ANKRD54: variants seen among roughly 807,000 people sequenced by gnomAD.
ANKRD54 encodes ankyrin repeat domain-containing protein 54.
A neutral mutation model predicts 36.2 loss-of-function variants in ANKRD54; 26 were observed. The ratio of observed to expected loss-of-function variants is 0.72; its 90% CI spans 0.53 to 1.00. The LOEUF is 1.00. Ranked by LOEUF, ANKRD54 falls within the 50% of genes least tolerant of loss-of-function variation. ANKRD54 has a pLI of 0.00. For missense variants in ANKRD54, 384 were observed against 424.3 expected (o/e 0.91, Z 0.83); for synonymous variants, 209 against 188.4 (o/e 1.11, Z -0.89).
At chr22:37,836,382 G>A (rs1261588773) in intron 3 of ANKRD54, among the ~76,000 whole-genome samples, 2 of 141,986 alleles carry the variant, frequency 1.4e-5, no homozygotes, top group South Asian at 2.3e-4. Flanking sequence ...GGAGGCAGAG[G>A]TTGTGGTTAG....
chr22:37,840,205 C>T lies in ANKRD54; in HGVS notation c.358G>A (p.Ala120Thr), dbSNP rs1924049164. The change falls in exon 2 of 8, where the codon GCC becomes ACC. Residue 120 changes from alanine to threonine, a missense_variant. Physicochemically the swap from Ala to Thr is moderately conservative, Grantham distance 58 (BLOSUM62 0). Coordinates refer to ENST00000215941, the MANE Select transcript of ANKRD54 (RefSeq NM_138797.4). ...ALKRLRDSANANDVETVQQLL... is the reference protein window; with the variant it reads ...ALKRLRDSANTNDVETVQQLL... ...CACTCACCTGTTTCCACATCATTGG[C>T]ATTGGCCGAGTCCCTCAGTCTCTTC... 1 of 1,614,040 alleles carries T rather than the reference C, an allele frequency of 6.2e-7. No homozygotes were observed. The highest frequency in any genetic ancestry group is 8.5e-7 in the Non-Finnish European group (1 of 1,179,932).
chr22:37,836,472 A>G (rs11912620), intron 3 of ANKRD54, among the ~76,000 whole-genome samples: 1 of 147,250 alleles, frequency 6.8e-6, no homozygotes, highest in Non-Finnish European at 1.5e-5. Flanking sequence ...AAAAAAAAAA[A>G]GGACAAAAGA....
At chr22:37,846,311 G>T (rs1054223951), upstream of ANKRD54, among the ~76,000 whole-genome samples, 7 of 151,944 alleles carry the variant, frequency 4.6e-5, no homozygotes, top group African/African-American at 1.7e-4. Context: ...TACTCTCCTC[G>T]TCTGCCCCAT....
intron 1 of ANKRD54, among the ~76,000 whole-genome samples, chr22:37,841,640 G>C (rs955021999): frequency 1.4e-4 from 21 of 151,924 alleles, no homozygotes; most frequent in Non-Finnish European, 2.1e-4. Context: ...ACGAGGTCAG[G>C]AGTTTGAGAC....
intron 4 of ANKRD54, 55 bp downstream of exon 4, chr22:37,833,629 A>AC: frequency 6.3e-7 from 1 of 1,595,488 alleles, no homozygotes; most frequent in Non-Finnish European, 8.6e-7. Flanking sequence ...CTCTTCATCT[A>AC]AAGAGCCTTT....
In ANKRD54 at chr22:37,844,155, C is replaced by T. The variant is rs896855529; in HGVS notation, c.84G>A (p.Glu28=). Residue 28 remains glutamate (E), a synonymous_variant, in exon 1 of 8, where the codon GAG becomes GAA. Transcript: ENST00000215941. ...AGAGGCCCTCAGCGTCAGTCAGCGG[C>T]TCCGGCGCCACCGCGCACTCGCCCT... The part of the protein sequence containing the change: ...SSEGECAVAP[E]PLTDAEGLFS... 7 of 1,498,478 alleles carry T rather than the reference C, an allele frequency of 4.7e-6. No individual in the cohort carries two copies. In the Admixed American group the frequency reaches 8.8e-5, roughly 19 times the overall value. 92.8% of individuals were successfully genotyped at this position (1,498,478 alleles called of 1,614,324 possible).
rs1345636353 is a variant in ANKRD54, at chr22:37,844,123, AAGG to A, written c.113_115del (p.Ser38del). ...GCCCAGCGCAGACCCGAAGTCAGCG[AAGG>A]AGAAGAGGCCCTCAGCGTCAGTCAG... is the stretch of plus-strand genomic sequence containing the variant. On this transcript the variant is annotated inframe_deletion, in exon 1 of 8. Coordinates refer to ENST00000215941, the MANE Select transcript of ANKRD54 (RefSeq NM_138797.4). The A allele has an allele frequency of 2.7e-6, 4 of 1,491,552 alleles. No homozygotes were observed. The highest frequency in any genetic ancestry group is 1.3e-5 in the South Asian group (1 of 79,480). 92.4% of individuals were successfully genotyped at this position (1,491,552 alleles called of 1,614,324 possible).
At chr22:37,839,664 G>C (rs774520914) in intron 2 of ANKRD54, among the ~76,000 whole-genome samples, 1 of 152,218 alleles carries the variant, frequency 6.6e-6, no homozygotes, top group Non-Finnish European at 1.5e-5. Context: ...TGGGATTACA[G>C]GCGTGAGCCA....
upstream of ANKRD54, among the ~76,000 whole-genome samples, chr22:37,845,894 G>C (rs1233199411): frequency 6.7e-6 from 1 of 149,176 alleles, no homozygotes; most frequent in African/African-American, 2.5e-5. Context: ...CAAAAAAAAG[G>C]CCTGGCGCTG....
chr22:37,841,553 C>CA (rs1183252458), intron 1 of ANKRD54, among the ~76,000 whole-genome samples: 11 of 139,710 alleles, frequency 7.9e-5, no homozygotes, highest in East Asian at 2.2e-4. Context: ...CACACACACA[C>CA]ACACAAAAAA....
chr22:37,836,365 TA>T, intron 3 of ANKRD54, among the ~76,000 whole-genome samples: 1 of 140,952 alleles, frequency 7.1e-6, no homozygotes, highest in South Asian at 2.2e-4. Context: ...AGAATCACTT[TA>T]ACCCGGGAGG....
At position 37,831,169 on chromosome 22, in the gene ANKRD54, C is replaced by T. The variant is rs1199018266; in HGVS notation, c.*774G>A. On this transcript the variant is annotated 3_prime_UTR_variant, in exon 8 of 8. Coordinates refer to ENST00000215941, the MANE Select transcript of ANKRD54 (RefSeq NM_138797.4). ...AATCTTCCTGGCGAAAGATCCTTAA[C>T]TTCATTACATCTGCAAAGCCCCTTT... 6.6e-6 allele frequency: 1 copy of T among 152,244 alleles called. No individual in the cohort carries two copies. The highest frequency in any genetic ancestry group is 1.9e-4 in the East Asian group (1 of 5,200). 9.4% of individuals were successfully genotyped at this position (152,244 alleles called of 1,614,324 possible). A position where few individuals can be genotyped will look rare whatever the true frequency, so the allele number is the denominator to read the frequency against.
At chr22:37,847,398 G>A (rs1373860991), upstream of ANKRD54, among the ~76,000 whole-genome samples, 5 of 150,846 alleles carry the variant, frequency 3.3e-5, no homozygotes, top group African/African-American at 1.2e-4. Context: ...CTGACCTCAG[G>A]TGATCCATCT....
chr22:37,837,523 A>T (rs1036108739), intron 3 of ANKRD54, among the ~76,000 whole-genome samples: 3 of 152,232 alleles, frequency 2.0e-5, no homozygotes, highest in African/African-American at 4.8e-5. Context: ...CACAGATTCA[A>T]TGAACCCTGG....
intron 2 of ANKRD54, 61 bp from the exon 3 acceptor site, chr22:37,838,659 G>A: frequency 6.6e-7 from 1 of 1,526,636 alleles, no homozygotes; most frequent in Non-Finnish European, 8.8e-7. Context: ...CTAAGCTGCA[G>A]ACCCGAGCGA....
intron 3 of ANKRD54, 84 bp downstream of exon 3, chr22:37,838,416 G>T: frequency 1.5e-6 from 2 of 1,343,638 alleles, no homozygotes; most frequent in South Asian, 2.6e-5. Flanking sequence ...TCCCAAGGCT[G>T]TGCAGACAGC....
rs1601741041 is a variant in ANKRD54 at position 37,844,029 on chromosome 22, G to A, written c.210C>T (p.Val70=). Residue 70 remains valine, a synonymous_variant, in exon 1 of 8, where the codon GTC becomes GTT. Transcript: ENST00000215941. ...GCGGCTCCGCATCCTGCTGCCACAG[G>A]ACGTGCAAGTAGCGCAGCGGCGACT... ...GAQSPLRYLH[V]LWQQDAEPRD... The A allele has an allele frequency of 1.4e-6, 2 of 1,440,028 alleles. No individual in the cohort carries two copies. The allele number at this position is 1,440,028 out of a possible 1,614,324, so 89.2% of individuals were successfully genotyped here. A position where few individuals can be genotyped will look rare whatever the true frequency, so the allele number is the denominator to read the frequency against.
chr22:37,833,985 G>A (rs748123625), intron 3 of ANKRD54: 1 of 512,912 alleles, frequency 1.9e-6, no homozygotes. Flanking sequence ...GGCCTATGCA[G>A]GTGTAGGAAT....
intron 1 of ANKRD54, among the ~76,000 whole-genome samples, chr22:37,840,879 G>A (rs933287959): frequency 4.0e-5 from 6 of 151,316 alleles, no homozygotes; most frequent in Non-Finnish European, 5.9e-5. Context: ...AGAGTGAGAC[G>A]CTGTCTCAGA....
Sources: allele counts gnomAD v4.1 joint callset (sites outside exome capture counted in the v4.1 genomes callset), GRCh38; gene constraint gnomAD v4.1.1; transcripts MANE v1.5; gene names NCBI Gene and HGNC (gene_info 2026-07-23, HGNC 2026-07-21).